SPOCK3: variants seen among roughly 807,000 people sequenced by gnomAD.
The protein encoded by SPOCK3 is SPARC (osteonectin), cwcv and kazal like domains proteoglycan 3.
SPOCK3 carries 30 observed loss-of-function variants against 56.6 expected under a neutral mutation model. That is an observed-to-expected ratio of 0.53 (90% CI 0.40 to 0.72). The LOEUF (loss-of-function observed/expected upper bound fraction) is 0.72, where lower values mean the gene tolerates loss of function less well. Among genes scored for constraint, SPOCK3 ranks in the 30% least tolerant of loss-of-function variants. The pLI is 0.00. For synonymous variants in SPOCK3, 196 were observed against 183.3 expected (o/e 1.07, Z -0.56); for missense variants, 527 against 530.0 (o/e 0.99, Z 0.06).
intron 4 of SPOCK3, among the ~76,000 whole-genome samples, chr4:166,992,112 C>G (rs1747853453): frequency 6.6e-6 from 1 of 151,952 alleles, no homozygotes; most frequent in Non-Finnish European, 1.5e-5. Context: ...TATGTTAAAA[C>G]AAGGCACAAA....
intron 2 of SPOCK3, among the ~76,000 whole-genome samples, chr4:167,195,241 G>A (rs1732829292): frequency 6.6e-6 from 1 of 152,212 alleles, no homozygotes; most frequent in Non-Finnish European, 1.5e-5. Flanking sequence ...TGGAGCCAAA[G>A]TACAGAGCTG....
chr4:166,955,580 A>ATTATATTAAATTTAATATAATTAT (rs1743336190), intron 4 of SPOCK3, among the ~76,000 whole-genome samples: 1 of 144,968 alleles, frequency 6.9e-6, no homozygotes, highest in Non-Finnish European at 1.5e-5. Context: ...AATATAATTA[A>ATTATATTAAATTTAATATAATTAT]ATTATATTAA....
chr4:167,198,887 A>G (rs952471189), intron 2 of SPOCK3, among the ~76,000 whole-genome samples: 1 of 152,120 alleles, frequency 6.6e-6, no homozygotes, highest in African/African-American at 2.4e-5. Context: ...GACCTATAAT[A>G]TATGATTCTT....
chr4:166,782,758 C>T (rs1408172956), intron 7 of SPOCK3, among the ~76,000 whole-genome samples: 1 of 151,864 alleles, frequency 6.6e-6, no homozygotes, highest in Non-Finnish European at 1.5e-5. Context: ...AATTTATTGC[C>T]AGAATCTGAG....
chr4:166,998,157 T>C (rs1275368198), intron 4 of SPOCK3, among the ~76,000 whole-genome samples: 1 of 152,156 alleles, frequency 6.6e-6, no homozygotes, highest in South Asian at 2.1e-4. Flanking sequence ...TGTTGGAAAC[T>C]AGTGATTTAT....
intron 7 of SPOCK3, among the ~76,000 whole-genome samples, chr4:166,781,372 A>G (rs1468395430): frequency 6.6e-6 from 1 of 152,032 alleles, no homozygotes; most frequent in Non-Finnish European, 1.5e-5. Context: ...AAACAAATAC[A>G]ATTGTTTGGG....
intron 6 of SPOCK3, among the ~76,000 whole-genome samples, chr4:166,793,820 T>G (rs1741606369): frequency 6.6e-6 from 1 of 152,104 alleles, no homozygotes; most frequent in African/African-American, 2.4e-5. Flanking sequence ...CTAAGAGAAA[T>G]CAGGTGGGAA....
At chr4:166,840,007 T>G (rs1019752526) in intron 6 of SPOCK3, among the ~76,000 whole-genome samples, 1 of 152,238 alleles carries the variant, frequency 6.6e-6, no homozygotes, top group South Asian at 2.1e-4. Context: ...TGTTTGCAAT[T>G]CTTTGCTAAC....
chr4:166,910,452 G>A (rs1737144471), intron 5 of SPOCK3, among the ~76,000 whole-genome samples: 1 of 152,008 alleles, frequency 6.6e-6, no homozygotes, highest in East Asian at 1.9e-4. Context: ...CACGCCCAAG[G>A]AGAACAATGA....
At chr4:167,063,128 C>G (rs1289363982) in intron 2 of SPOCK3, among the ~76,000 whole-genome samples, 1 of 151,700 alleles carries the variant, frequency 6.6e-6, no homozygotes, top group Non-Finnish European at 1.5e-5. Flanking sequence ...AGAATGCACA[C>G]CTAATTAAGT....
At chr4:167,098,446 T>C (rs1232062363) in intron 2 of SPOCK3, among the ~76,000 whole-genome samples, 1 of 152,080 alleles carries the variant, frequency 6.6e-6, no homozygotes, top group Non-Finnish European at 1.5e-5. Context: ...GGTAAGGAGA[T>C]ATAAACTATC....
At chr4:166,966,567 G>A (rs954953282) in intron 4 of SPOCK3, among the ~76,000 whole-genome samples, 2 of 152,042 alleles carry the variant, frequency 1.3e-5, no homozygotes, top group African/African-American at 4.8e-5. Flanking sequence ...ACTTTGTCAA[G>A]GACATTCTGA....
At chr4:166,973,955 G>C (rs1003907810) in intron 4 of SPOCK3, among the ~76,000 whole-genome samples, 6 of 152,036 alleles carry the variant, frequency 3.9e-5, no homozygotes, top group African/African-American at 1.4e-4. Context: ...GCTAAGATAT[G>C]TATCTGATAA....
chr4:167,053,219 GT>G (rs377306972), intron 3 of SPOCK3, among the ~76,000 whole-genome samples: 2 of 150,366 alleles, frequency 1.3e-5, no homozygotes, highest in African/African-American at 4.9e-5. Context: ...GCTGGTTTTT[GT>G]TTTTTTTTCT....
chr4:166,812,062 T>C (rs1346390237), intron 6 of SPOCK3, among the ~76,000 whole-genome samples: 2 of 151,822 alleles, frequency 1.3e-5, no homozygotes, highest in Admixed American at 1.3e-4. Flanking sequence ...AATCTAGAAA[T>C]GTTCACTTTC....
chr4:167,149,676 C>T (rs868539297), intron 2 of SPOCK3, among the ~76,000 whole-genome samples: 10 of 152,078 alleles, frequency 6.6e-5, no homozygotes, highest in Middle Eastern at 3.4e-3. Flanking sequence ...CATGACATTG[C>T]TTTCTCTCAT....
intron 4 of SPOCK3, among the ~76,000 whole-genome samples, chr4:166,990,293 G>C (rs1253875302): frequency 1.3e-5 from 2 of 151,948 alleles, no homozygotes; most frequent in African/African-American, 4.8e-5. Context: ...TCCATATTTT[G>C]ACATTAGATA....
chr4:166,799,448 A>G (rs1258450844), intron 6 of SPOCK3, among the ~76,000 whole-genome samples: 1 of 152,192 alleles, frequency 6.6e-6, no homozygotes, highest in East Asian at 1.9e-4. Context: ...TATTGCTACA[A>G]CCGAGGAAGA....
intron 7 of SPOCK3, among the ~76,000 whole-genome samples, chr4:166,786,281 A>C (rs544736321): frequency 6.6e-6 from 1 of 152,224 alleles, no homozygotes. Flanking sequence ...ATTAATCAAA[A>C]ATTCTACAAC....
Sources: gnomAD v4.1 joint callset for allele counts (sites outside exome capture counted in the v4.1 genomes callset) on GRCh38, gnomAD v4.1.1 for gene constraint, MANE v1.5 for transcripts, NCBI Gene and HGNC (gene_info 2026-07-23, HGNC 2026-07-21) for gene names.